Variants in PDK1 observed in about 807,000 individuals in gnomAD.
PDK1 encodes the protein [Pyruvate dehydrogenase (acetyl-transferring)] kinase isozyme 1, mitochondrial.
PDK1 carries 39 observed loss-of-function variants against 54.2 expected under a neutral mutation model. That is an observed-to-expected ratio of 0.72 (90% CI 0.56 to 0.94). PDK1 has a LOEUF of 0.94. Ranked by LOEUF, PDK1 falls within the 40% of genes least tolerant of loss-of-function variation. PDK1 has a pLI of 0.00. For missense variants in PDK1, 552 were observed against 566.0 expected (o/e 0.98, Z 0.25); for synonymous variants, 221 against 207.1 (o/e 1.07, Z -0.58).
chr2:172,704,769 C>G, the PDK1 span, among the ~76,000 whole-genome samples: 7 of 152,254 alleles, frequency 4.6e-5, no homozygotes, highest in African/African-American at 1.4e-4. Context: ...CGCTCTCCCT[C>G]ATCTGTCTCC....
At position 172,604,062 on chromosome 2, in the gene PDK1, A is replaced by G. The variant is rs1691202383; in HGVS notation, c.*8093A>G. On this transcript the variant is annotated 3_prime_UTR_variant, in exon 11 of 11. Transcript: ENST00000282077. ...GAATTTAACAATAGCTTTTCAATTT[A>G]TGAACATGGCGTATATCTTTTTTGG... is the stretch of plus-strand genomic sequence containing the variant. The G allele has an allele frequency of 6.6e-6, 1 of 152,208 alleles. No homozygotes were observed. Among genetic ancestry groups the G allele is most frequent in the Non-Finnish European group, 1.5e-5 (1 of 68,048 alleles). 9.4% of individuals were successfully genotyped at this position (152,208 alleles called of 1,614,324 possible).
intron 8 of PDK1, among the ~76,000 whole-genome samples, chr2:172,580,817 A>G (rs1689861852): frequency 6.6e-6 from 1 of 152,082 alleles, no homozygotes; most frequent in African/African-American, 2.4e-5. Flanking sequence ...TGGTTGTTGT[A>G]ACATTGAAGA....
At chr2:172,644,671 A>C in the PDK1 span, among the ~76,000 whole-genome samples, 1 of 152,248 alleles carries the variant, frequency 6.6e-6, no homozygotes. Context: ...GATAAATACA[A>C]CTTGAACTTG....
chr2:172,614,181 C>CG, the PDK1 span, among the ~76,000 whole-genome samples: 2 of 149,036 alleles, frequency 1.3e-5, no homozygotes, highest in African/African-American at 2.5e-5. Flanking sequence ...GACCCCCCCC[C>CG]CCAACCCCCA....
the PDK1 span, among the ~76,000 whole-genome samples, chr2:172,707,974 AG>A: frequency 1.2e-4 from 19 of 152,228 alleles, no homozygotes; most frequent in Admixed American, 1.2e-3. Flanking sequence ...CAGAGTGCTT[AG>A]GGAGTGGGGA....
the PDK1 span, among the ~76,000 whole-genome samples, chr2:172,719,917 T>C: frequency 6.6e-6 from 1 of 152,192 alleles, no homozygotes; most frequent in Non-Finnish European, 1.5e-5. Flanking sequence ...TATCTTATTG[T>C]CTTATTATTT....
the PDK1 span, among the ~76,000 whole-genome samples, chr2:172,701,004 G>A: frequency 6.6e-6 from 1 of 152,056 alleles, no homozygotes; most frequent in Admixed American, 6.5e-5. Flanking sequence ...AAAGGGGAGA[G>A]GGAGAGGGAG....
At chr2:172,621,392 G>A in the PDK1 span, among the ~76,000 whole-genome samples, 1 of 152,012 alleles carries the variant, frequency 6.6e-6, no homozygotes, top group Non-Finnish European at 1.5e-5. Flanking sequence ...TCCTATGCTG[G>A]ATGCTTCCTG....
At chr2:172,661,787 A>G in the PDK1 span, among the ~76,000 whole-genome samples, 3 of 152,160 alleles carry the variant, frequency 2.0e-5, no homozygotes, top group Non-Finnish European at 2.9e-5. Flanking sequence ...AACAATAAAC[A>G]ATAGGGACTA....
At chr2:172,581,196 G>C (rs1001809824) in intron 8 of PDK1, among the ~76,000 whole-genome samples, 1 of 152,102 alleles carries the variant, frequency 6.6e-6, no homozygotes, top group Non-Finnish European at 1.5e-5. Context: ...AGGTTCAAGC[G>C]ATTCTCCTGC....
At chr2:172,590,587 C>T (rs185206555) in intron 9 of PDK1, among the ~76,000 whole-genome samples, 57 of 152,192 alleles carry the variant, frequency 3.7e-4, no homozygotes, top group Admixed American at 9.8e-4. Context: ...TGCAGACCTT[C>T]GTGGTGAGTG....
intron 9 of PDK1, 55 bp from the exon 10 acceptor site, chr2:172,592,880 A>G (rs1380788892): frequency 4.0e-5 from 38 of 943,032 alleles, no homozygotes; most frequent in Non-Finnish European, 6.1e-5. Context: ...CTTAATTAGA[A>G]AAGTATTTCA....
At chr2:172,591,239 C>A (rs939600437) in intron 9 of PDK1, among the ~76,000 whole-genome samples, 1 of 152,086 alleles carries the variant, frequency 6.6e-6, no homozygotes, top group Non-Finnish European at 1.5e-5. Flanking sequence ...GTCACAGGAC[C>A]TAGAAAGGGG....
chr2:172,684,211 A>G, the PDK1 span, among the ~76,000 whole-genome samples: 2 of 152,322 alleles, frequency 1.3e-5, no homozygotes, highest in Admixed American at 1.3e-4. Flanking sequence ...GCTTGAGCTC[A>G]GGAGTTTGAG....
chr2:172,700,411 G>T, the PDK1 span, among the ~76,000 whole-genome samples: 1 of 151,184 alleles, frequency 6.6e-6, no homozygotes, highest in Non-Finnish European at 1.5e-5. Context: ...CGGGGTCGTG[G>T]CCAGGCAGAG....
At chr2:172,681,228 G>A in the PDK1 span, among the ~76,000 whole-genome samples, 4 of 152,198 alleles carry the variant, frequency 2.6e-5, no homozygotes, top group South Asian at 4.1e-4. Context: ...GAAGTTAAGC[G>A]ATGCTCTGAA....
chr2:172,591,574 C>A (rs1218279765), intron 9 of PDK1, among the ~76,000 whole-genome samples: 4 of 152,180 alleles, frequency 2.6e-5, no homozygotes, highest in Non-Finnish European at 5.9e-5. Flanking sequence ...AGTAGATAAA[C>A]TGGCTGTTCC....
At chr2:172,568,336 A>G (rs939954964) in intron 6 of PDK1, among the ~76,000 whole-genome samples, 1 of 150,550 alleles carries the variant, frequency 6.6e-6, no homozygotes, top group Non-Finnish European at 1.5e-5. Flanking sequence ...TCAAAAAAAA[A>G]AAAAAAAAAA....
At chr2:172,721,119 T>C in the PDK1 span, among the ~76,000 whole-genome samples, 1 of 152,228 alleles carries the variant, frequency 6.6e-6, no homozygotes, top group East Asian at 1.9e-4. Flanking sequence ...CCGGCATCTC[T>C]TCTTCCTGTG....
Sources: gnomAD v4.1 joint callset for allele counts (sites outside exome capture counted in the v4.1 genomes callset) on GRCh38, gnomAD v4.1.1 for gene constraint, MANE v1.5 for transcripts, NCBI Gene and HGNC (gene_info 2026-07-23, HGNC 2026-07-21) for gene names.